The following TBC1D22A variants were observed in gnomAD, a reference collection of about 807,000 sequenced individuals.
TBC1D22A encodes the protein TBC1 domain family member 22A.
Under a neutral mutation model 60.2 loss-of-function variants are expected in TBC1D22A, and 38 were observed. That is an observed-to-expected ratio of 0.63 (90% CI 0.49 to 0.83). The LOEUF (loss-of-function observed/expected upper bound fraction) is 0.83, where lower values mean the gene tolerates loss of function less well. Ranked by LOEUF, TBC1D22A falls within the 40% of genes least tolerant of loss-of-function variation. The probability of loss-of-function intolerance (pLI) is 0.00; values close to 1 mark genes in which losing one functional copy is unlikely to be tolerated. For synonymous variants in TBC1D22A, 302 were observed against 281.7 expected (o/e 1.07, Z -0.72); for missense variants, 628 against 701.0 (o/e 0.90, Z 1.18).
intron 11 of TBC1D22A, among the ~76,000 whole-genome samples, chr22:47,066,968 T>A (rs1161858889): frequency 6.6e-6 from 1 of 152,090 alleles, no homozygotes; most frequent in Non-Finnish European, 1.5e-5. Context: ...CCAGTCCTTT[T>A]AAAAAAACTC....
rs751291074 is a variant in TBC1D22A, at chr22:46,937,949, GTAT to G, written c.1015+25768_1015+25770del. Among the ~76,000 whole-genome samples, 50 of 152,200 alleles carry G rather than the reference GTAT, an allele frequency of 3.3e-4. No individual in the cohort carries two copies. In the East Asian group the frequency reaches 4.6e-3, roughly 14 times the overall value. ...ACAATGTATCTGAGTTTTAAACTAA[GTAT>G]TATTATAAAAAAGTCAAGTTAAAAA... On this transcript the variant is annotated intron_variant, in intron 8 of 12. Transcript: ENST00000337137.
intron 8 of TBC1D22A, among the ~76,000 whole-genome samples, chr22:46,924,087 T>G (rs1356625208): frequency 6.6e-6 from 1 of 152,232 alleles, no homozygotes; most frequent in Admixed American, 6.5e-5. Flanking sequence ...GACAATTGTA[T>G]TTTAGCTTAA....
chr22:46,967,517 T>C (rs136101), intron 8 of TBC1D22A, among the ~76,000 whole-genome samples: 68,374 of 152,100 alleles, frequency 0.45, 17,280 homozygotes, highest in African/African-American at 0.7. Context: ...TTGTGCAGTG[T>C]GGGTGATGAA....
At chr22:46,871,597 A>G (rs751119900) in intron 4 of TBC1D22A, among the ~76,000 whole-genome samples, 41 of 152,252 alleles carry the variant, frequency 2.7e-4, no homozygotes, top group Non-Finnish European at 5.6e-4. Flanking sequence ...GCATACTTCT[A>G]AACAACCTAT....
At chr22:47,034,260 T>A (rs1387076440) in intron 10 of TBC1D22A, among the ~76,000 whole-genome samples, 4 of 152,008 alleles carry the variant, frequency 2.6e-5, no homozygotes, top group Admixed American at 1.3e-4. Flanking sequence ...TTGGAGTGGG[T>A]GTCCTGCGTG....
chr22:46,982,579 A>G (rs1177847925), intron 9 of TBC1D22A, among the ~76,000 whole-genome samples: 2 of 152,210 alleles, frequency 1.3e-5, no homozygotes, highest in South Asian at 2.1e-4. Flanking sequence ...CAAAACAGCT[A>G]CATTTCCAGA....
intron 8 of TBC1D22A, among the ~76,000 whole-genome samples, chr22:46,918,226 TG>T (rs1257348898): frequency 1.3e-5 from 2 of 152,240 alleles, no homozygotes; most frequent in Non-Finnish European, 2.9e-5. Flanking sequence ...CTTAAAATGG[TG>T]GCCGCATCTC....
chr22:47,075,682 A>G (rs980051426), intron 11 of TBC1D22A, among the ~76,000 whole-genome samples: 6 of 152,204 alleles, frequency 3.9e-5, no homozygotes, highest in African/African-American at 1.4e-4. Flanking sequence ...CATGAATAAG[A>G]TATTTTAAAT....
At chr22:47,024,372 G>A (rs957042095) in intron 10 of TBC1D22A, among the ~76,000 whole-genome samples, 5 of 152,218 alleles carry the variant, frequency 3.3e-5, no homozygotes, top group African/African-American at 1.2e-4. Flanking sequence ...AGCCATATCA[G>A]TAGGTGTGTT....
chr22:46,882,499 A>C (rs2067901441), intron 5 of TBC1D22A, among the ~76,000 whole-genome samples: 1 of 152,100 alleles, frequency 6.6e-6, no homozygotes, highest in Non-Finnish European at 1.5e-5. Flanking sequence ...CAGGTCATTG[A>C]AAGTTATGCG....
At chr22:46,966,514 T>C (rs946187339) in intron 8 of TBC1D22A, among the ~76,000 whole-genome samples, 1 of 152,222 alleles carries the variant, frequency 6.6e-6, no homozygotes, top group Admixed American at 6.5e-5. Context: ...AATCACTGTT[T>C]CAACAAACAG....
chr22:47,059,504 C>T (rs1040342816), intron 11 of TBC1D22A, among the ~76,000 whole-genome samples: 4 of 152,322 alleles, frequency 2.6e-5, no homozygotes, highest in African/African-American at 4.8e-5. Flanking sequence ...AAATTGGGAG[C>T]GTGTATGTGT....
intron 7 of TBC1D22A, 54 bp from the exon 8 acceptor site, chr22:46,912,019 TA>T: frequency 1.6e-6 from 2 of 1,214,448 alleles, no homozygotes; most frequent in Non-Finnish European, 2.4e-6. Flanking sequence ...GCTTTCATTT[TA>T]AAGTTTCTGC....
intron 10 of TBC1D22A, among the ~76,000 whole-genome samples, chr22:47,035,056 T>C (rs961506202): frequency 6.6e-6 from 1 of 152,140 alleles, no homozygotes; most frequent in African/African-American, 2.4e-5. Flanking sequence ...TGAAGAAGTG[T>C]GGGCATCTGT....
At chr22:47,078,178 G>A (rs2064307222) in intron 11 of TBC1D22A, among the ~76,000 whole-genome samples, 1 of 152,300 alleles carries the variant, frequency 6.6e-6, no homozygotes, top group South Asian at 2.1e-4. Flanking sequence ...GGATGAGCAG[G>A]CTATCACTTG....
intron 8 of TBC1D22A, among the ~76,000 whole-genome samples, chr22:46,924,133 G>A (rs2070912340): frequency 6.6e-6 from 1 of 152,134 alleles, no homozygotes. Flanking sequence ...AGAAGTATTT[G>A]CCCCCCTCCC....
chr22:46,904,157 A>ATCTATCTATCTATCTG (rs1340570367), intron 7 of TBC1D22A, among the ~76,000 whole-genome samples: 5 of 145,212 alleles, frequency 3.4e-5, no homozygotes, highest in Admixed American at 1.4e-4. Context: ...CTACCTACCT[A>ATCTATCTATCTATCTG]CCTACCTACC....
intron 4 of TBC1D22A, among the ~76,000 whole-genome samples, chr22:46,802,804 A>G (rs2146968298): frequency 8.9e-6 from 1 of 112,170 alleles, no homozygotes; most frequent in East Asian, 2.8e-4. Context: ...GGGTCAGAGT[A>G]GGGTGGGAGA....
At chr22:46,989,670 A>G (rs1336701763) in intron 9 of TBC1D22A, among the ~76,000 whole-genome samples, 1 of 152,100 alleles carries the variant, frequency 6.6e-6, no homozygotes, top group Non-Finnish European at 1.5e-5. Context: ...TTATGATAGT[A>G]ACATCAAAGA....
Sources: gnomAD v4.1 joint callset for allele counts (sites outside exome capture counted in the v4.1 genomes callset) on GRCh38, gnomAD v4.1.1 for gene constraint, MANE v1.5 for transcripts, NCBI Gene and HGNC (gene_info 2026-07-23, HGNC 2026-07-21) for gene names.